ROCK2: variants seen among roughly 807,000 people sequenced by gnomAD.
ROCK2 encodes rho-associated protein kinase 2.
A neutral mutation model predicts 195.1 loss-of-function variants in ROCK2; 61 were observed. That is an observed-to-expected ratio of 0.31 (90% CI 0.25 to 0.39). The LOEUF is 0.39. ROCK2 is among the 10% of genes least tolerant of loss of function. The pLI is 1.00. For synonymous variants in ROCK2, 504 were observed against 545.5 expected (o/e 0.92, Z 1.06); for missense variants, 1,109 against 1,637.4 (o/e 0.68, Z 5.57).
intron 9 of ROCK2, among the ~76,000 whole-genome samples, chr2:11,220,013 T>G (rs1041082745): frequency 4.0e-5 from 6 of 151,848 alleles, no homozygotes; most frequent in Admixed American, 6.6e-5. Context: ...ATCTGGCTTT[T>G]TTGTTGTTGT....
At chr2:11,308,237 C>T (rs1204979970) in intron 1 of ROCK2, 20 of 1,329,138 alleles carry the variant, frequency 1.5e-5, no homozygotes, top group East Asian at 2.3e-5. Flanking sequence ...CTTAGAATTG[C>T]GAAGTACAGC....
chr2:11,330,297 A>T (rs1204759152), intron 1 of ROCK2, among the ~76,000 whole-genome samples: 1 of 152,204 alleles, frequency 6.6e-6, no homozygotes, highest in Non-Finnish European at 1.5e-5. Flanking sequence ...TACTTTTATT[A>T]TATGTCACTC....
chr2:11,311,213 TTAA>T (rs373658925), intron 1 of ROCK2, among the ~76,000 whole-genome samples: 2 of 152,252 alleles, frequency 1.3e-5, no homozygotes, highest in African/African-American at 2.4e-5. Flanking sequence ...GCCAATCTTA[TTAA>T]TGAGGAAAAG....
intron 3 of ROCK2, among the ~76,000 whole-genome samples, chr2:11,268,260 A>C (rs181866021): frequency 1.1e-3 from 168 of 152,246 alleles, no homozygotes; most frequent in Non-Finnish European, 2.1e-3. Context: ...TCAAGTCAGA[A>C]AATTAAAAAC....
At chr2:11,317,547 AT>A (rs577655479) in intron 1 of ROCK2, among the ~76,000 whole-genome samples, 2 of 93,324 alleles carry the variant, frequency 2.1e-5, no homozygotes, top group Non-Finnish European at 4.3e-5. Flanking sequence ...TCAAAAAGCT[AT>A]TTTTTAAAGC....
At chr2:11,262,894 C>A (rs1201431209) in intron 3 of ROCK2, among the ~76,000 whole-genome samples, 2 of 151,994 alleles carry the variant, frequency 1.3e-5, no homozygotes, top group African/African-American at 4.8e-5. Context: ...TTTTTATTAA[C>A]AAAAATATAT....
At position 11,344,117 on chromosome 2, in the gene ROCK2, G is replaced by A; in HGVS notation, c.20C>T (p.Thr7Met). 3 of 1,483,298 alleles carry A rather than the reference G, an allele frequency of 2.0e-6. No individual in the cohort carries two copies. Among genetic ancestry groups the A allele is most frequent in the Non-Finnish European group, 2.7e-6 (3 of 1,124,362 alleles). The allele number at this position is 1,483,298 out of a possible 1,614,324, so 91.9% of individuals were successfully genotyped here. ...CTCGGGGGCGCCGGGCATTTTCCCC[G>A]TCGGCGGGGGCCGGCTCATGCCGCC... MSRPPP[T>M]GKMPGAPETA... Residue 7 changes from threonine (T) to methionine (M), a missense_variant, in exon 1 of 33, where the codon ACG (threonine) becomes ATG (methionine). By Grantham distance (81) the Thr-to-Met change is moderately conservative (BLOSUM62 -1). Transcript: ENST00000315872. The surrounding 1 kb of genome is among the most constrained non-coding windows in gnomAD (Gnocchi z 5.4).
chr2:11,217,338 A>G (rs1337099267), intron 11 of ROCK2, 169 bp from the exon 12 acceptor site: 2 of 712,604 alleles, frequency 2.8e-6, no homozygotes, highest in Non-Finnish European at 5.2e-6. Context: ...AAAAGGAAAA[A>G]CTCCCCCATC....
At chr2:11,318,954 T>C (rs1403754097) in intron 1 of ROCK2, among the ~76,000 whole-genome samples, 3 of 152,170 alleles carry the variant, frequency 2.0e-5, no homozygotes, top group Non-Finnish European at 4.4e-5. Flanking sequence ...TTCTGTTCCA[T>C]TGGTCTATAT....
chr2:11,222,157 C>G lies in ROCK2; in HGVS notation c.1025G>C (p.Arg342Thr), dbSNP rs763387619. 1 of 1,608,278 alleles carries G rather than the reference C, an allele frequency of 6.2e-7. No individual in the cohort carries two copies. Among genetic ancestry groups the G allele is most frequent in the Non-Finnish European group, 8.5e-7 (1 of 1,175,384 alleles). Residue 342 changes from arginine (R) to threonine (T), a missense_variant, in exon 8 of 33, where the codon AGA (arginine) becomes ACA (threonine). Transcript: ENST00000315872. ...FLTDREVRLG[R>T]NGVEEIRQHP... ...CTGTCTGATTTCTTCCACCCCATTT[C>G]TCCCAAGTCGTACCTCCCTAAACAA...
At chr2:11,345,268 A>C (rs551335046), upstream of ROCK2, among the ~76,000 whole-genome samples, 1 of 152,312 alleles carries the variant, frequency 6.6e-6, no homozygotes, top group South Asian at 2.1e-4. Context: ...CGGCTTAGAC[A>C]CTAACCACTT....
chr2:11,335,144 C>T (rs375269390), intron 1 of ROCK2, among the ~76,000 whole-genome samples: 1 of 129,940 alleles, frequency 7.7e-6, no homozygotes, highest in African/African-American at 2.7e-5. Context: ...CACACACACA[C>T]ACACAGACAC....
At chr2:11,207,634 TA>T in intron 20 of ROCK2, 91 bp downstream of exon 20, 1 of 966,840 alleles carries the variant, frequency 1.0e-6, no homozygotes, top group Non-Finnish European at 1.5e-6. Context: ...GTCTAGAAAG[TA>T]AAATGCTCAA....
intron 28 of ROCK2, among the ~76,000 whole-genome samples, chr2:11,194,721 G>GT (rs952413596): frequency 5.9e-5 from 9 of 152,008 alleles, no homozygotes; most frequent in Admixed American, 5.2e-4. Context: ...AACAGCAAAA[G>GT]TATCAAAATC....
intron 25 of ROCK2, 81 bp downstream of exon 25, chr2:11,198,410 A>T: frequency 1.0e-6 from 1 of 999,378 alleles, no homozygotes; most frequent in Non-Finnish European, 1.6e-6. Flanking sequence ...ACTGCTACCA[A>T]TTTGTAATGC....
Position 11,227,502 on chromosome 2 carries a change from G to A in ROCK2, c.724-104C>T, listed in dbSNP as rs904175435. On this transcript the variant is annotated intron_variant, in intron 5 of 32. Transcript: ENST00000315872. Reference sequence around the variant, plus strand: ...ACTAGATATACAATGATTACATATTGCTAACCAACAGAACTTCACTGCTGA... The same window carrying A: ...ACTAGATATACAATGATTACATATTACTAACCAACAGAACTTCACTGCTGA... 9.4e-6 allele frequency: 10 copies of A among 1,067,912 alleles called. No individual in the cohort carries two copies. The Admixed American group carries it at 1.2e-4, about 13-fold the overall frequency. The allele number at this position is 1,067,912 out of a possible 1,614,324, so 66.2% of individuals were successfully genotyped here.
chr2:11,339,050 G>T (rs1351573621), intron 1 of ROCK2, among the ~76,000 whole-genome samples: 1 of 152,140 alleles, frequency 6.6e-6, no homozygotes, highest in Non-Finnish European at 1.5e-5. Flanking sequence ...TTAAATAGGT[G>T]TGTGCATTTG....
intron 9 of ROCK2, among the ~76,000 whole-genome samples, chr2:11,219,885 C>T (rs1664572611): frequency 1.4e-5 from 2 of 138,010 alleles, no homozygotes; most frequent in Non-Finnish European, 3.1e-5. Flanking sequence ...TTTTTTAAGA[C>T]ATGGTCTCAT....
intron 1 of ROCK2, among the ~76,000 whole-genome samples, chr2:11,324,941 A>T (rs1350687598): frequency 6.6e-6 from 1 of 152,216 alleles, no homozygotes; most frequent in Non-Finnish European, 1.5e-5. Context: ...TTAGCCAACT[A>T]TTTTATCCAT....
Sources: allele counts gnomAD v4.1 joint callset (sites outside exome capture counted in the v4.1 genomes callset), GRCh38; gene constraint gnomAD v4.1.1; non-coding constraint Gnocchi (gnomAD v3.1); transcripts MANE v1.5; gene names NCBI Gene and HGNC (gene_info 2026-07-23, HGNC 2026-07-21).